CEP85L: variants seen among roughly 807,000 people sequenced by gnomAD.
CEP85L encodes the protein centrosomal protein 85L, also known as centrosomal protein of 85 kDa-like.
A neutral mutation model predicts 100.3 loss-of-function variants in CEP85L; 60 were observed. The observed-to-expected ratio is 0.60, with a 90% CI of 0.49 to 0.74. The LOEUF is 0.74. Among genes scored for constraint, CEP85L ranks in the 30% least tolerant of loss-of-function variants. The pLI, the probability that CEP85L is intolerant of heterozygous loss-of-function variation, is 0.00. For synonymous variants in CEP85L, 319 were observed against 322.7 expected, an observed-to-expected ratio of 0.99 and a Z score of 0.12; for missense variants, 973 against 936.2, an observed-to-expected ratio of 1.04 and a Z score of -0.51.
At chr6:118,682,467 T>C (rs1776696862) in intron 1 of CEP85L, among the ~76,000 whole-genome samples, 1 of 152,056 alleles carries the variant, frequency 6.6e-6, no homozygotes, top group Admixed American at 6.6e-5. Context: ...TTATACTAGA[T>C]GCTGCGATTC....
intron 12 of CEP85L, among the ~76,000 whole-genome samples, chr6:118,468,028 G>A (rs889858282): frequency 6.6e-6 from 1 of 152,146 alleles, no homozygotes; most frequent in African/African-American, 2.4e-5. Flanking sequence ...CTTAGTGTCT[G>A]GACCATAGAA....
chr6:118,612,756 C>A lies in CEP85L; in HGVS notation c.232+19697G>T, dbSNP rs548815345. On this transcript the variant is annotated intron_variant, in intron 2 of 12. Coordinates refer to ENST00000368491, the MANE Select transcript of CEP85L (RefSeq NM_001042475.3). Reference sequence around the variant, plus strand: ...TAGAAAAAAAGAAGAGTTCAACAGACCCAAAGCAGAAAAAAAGGAAGCAAC... The same window carrying A: ...TAGAAAAAAAGAAGAGTTCAACAGAACCAAAGCAGAAAAAAAGGAAGCAAC... 4.8e-5 allele frequency among the ~76,000 whole-genome samples: 7 copies of A among 147,034 alleles called. No homozygotes were observed. In the South Asian group the frequency reaches 1.3e-3, roughly 27 times the overall value.
chr6:118,618,491 A>T (rs1773221081), intron 2 of CEP85L, among the ~76,000 whole-genome samples: 1 of 152,204 alleles, frequency 6.6e-6, no homozygotes, highest in Non-Finnish European at 1.5e-5. Context: ...AGGCCCTAGG[A>T]CATTTTCTTC....
intron 2 of CEP85L, among the ~76,000 whole-genome samples, chr6:118,566,804 T>C (rs1209574207): frequency 6.6e-6 from 1 of 152,224 alleles, no homozygotes; most frequent in Non-Finnish European, 1.5e-5. Context: ...TAGTTTCAGA[T>C]TGGATTTTCT....
At chr6:118,492,007 G>A (rs1342858023) in intron 5 of CEP85L, 142 bp from the exon 6 acceptor site, 2 of 539,436 alleles carry the variant, frequency 3.7e-6, no homozygotes, top group Admixed American at 3.9e-5. Context: ...CAGCTATCTT[G>A]CTTCCTAGTT....
At chr6:118,578,765 G>A (rs1025596215) in intron 2 of CEP85L, among the ~76,000 whole-genome samples, 48 of 152,182 alleles carry the variant, frequency 3.2e-4, no homozygotes, top group Admixed American at 7.9e-4. Flanking sequence ...TCTTTTGTTC[G>A]GTGTGCTCTC....
In CEP85L at chr6:118,614,415, A is replaced by G. The variant is rs560044666; in HGVS notation, c.232+18038T>C. ...CAAGAGAAGAAAACAAAAGGCACAC[A>G]AATCAGAAAGAAAAAACTCCTTATT... On this transcript the variant is annotated intron_variant, in intron 2 of 12. Coordinates refer to ENST00000368491, the MANE Select transcript of CEP85L (RefSeq NM_001042475.3). Among the ~76,000 whole-genome samples, 7 of 152,380 alleles carry G rather than the reference A, an allele frequency of 4.6e-5. No individual in the cohort carries two copies. The South Asian group carries it at 1.4e-3, about 32-fold the overall frequency.
intron 1 of CEP85L, among the ~76,000 whole-genome samples, chr6:118,675,797 T>G (rs1218030696): frequency 6.6e-6 from 1 of 151,884 alleles, no homozygotes; most frequent in African/African-American, 2.4e-5. Context: ...AGAGCAAAAT[T>G]GGAAAGTGAC....
chr6:118,474,424 T>C (rs1260396264), intron 10 of CEP85L, among the ~76,000 whole-genome samples: 1 of 152,154 alleles, frequency 6.6e-6, no homozygotes, highest in Non-Finnish European at 1.5e-5. Flanking sequence ...GGCATCAACA[T>C]TTATCATCCT....
intron 5 of CEP85L, chr6:118,502,833 G>A: frequency 1.6e-6 from 1 of 625,018 alleles, no homozygotes; most frequent in Non-Finnish European, 3.0e-6. Flanking sequence ...AAAGCAATGG[G>A]GATTTCCATT....
At position 118,632,744 on chromosome 6, in the gene CEP85L, G is replaced by C. The variant is rs1440033987; in HGVS notation, c.74-133C>G. On this transcript the variant is annotated intron_variant, in intron 1 of 12. Transcript: ENST00000368491. ...TTTTCTGCCCAAAATAATTTAAAATGATCAACAAAATTAACCAAATAAATG... is the reference window on the plus strand; with the variant it reads ...TTTTCTGCCCAAAATAATTTAAAATCATCAACAAAATTAACCAAATAAATG... The C allele has an allele frequency of 8.5e-6, 5 of 588,598 alleles. No individual in the cohort carries two copies. The East Asian group carries it at 1.5e-4, about 18-fold the overall frequency. The allele number at this position is 588,598 out of a possible 1,614,324, so 36.5% of individuals were successfully genotyped here.
chr6:118,705,513 G>A (rs1777566892), intron 1 of CEP85L, among the ~76,000 whole-genome samples: 1 of 152,206 alleles, frequency 6.6e-6, no homozygotes, highest in South Asian at 2.1e-4. Context: ...CTAGTAAAAG[G>A]TTTCCATTAG....
intron 10 of CEP85L, among the ~76,000 whole-genome samples, chr6:118,476,983 T>C (rs1029347225): frequency 1.3e-5 from 2 of 152,038 alleles, no homozygotes; most frequent in Non-Finnish European, 2.9e-5. Flanking sequence ...TTTTGAGAAA[T>C]AAGAAGGAAA....
chr6:118,591,806 A>T (rs1029931966), intron 2 of CEP85L, among the ~76,000 whole-genome samples: 5 of 152,192 alleles, frequency 3.3e-5, no homozygotes, highest in Admixed American at 1.3e-4. Context: ...TGTTCAAAGC[A>T]CCAAGAACCT....
intron 4 of CEP85L, among the ~76,000 whole-genome samples, chr6:118,515,670 ATAAAC>A (rs1659819073): frequency 6.6e-6 from 1 of 152,228 alleles, no homozygotes; most frequent in South Asian, 2.1e-4. Context: ...AAATCAGAAG[ATAAAC>A]TAAGTATTTT....
intron 1 of CEP85L, among the ~76,000 whole-genome samples, chr6:118,688,066 C>T (rs1043215529): frequency 6.6e-6 from 1 of 152,154 alleles, no homozygotes; most frequent in African/African-American, 2.4e-5. Flanking sequence ...CAAGGCTTGC[C>T]ACCATCTTGG....
At chr6:118,555,217 G>A (rs192414354) in intron 3 of CEP85L, among the ~76,000 whole-genome samples, 3 of 152,196 alleles carry the variant, frequency 2.0e-5, no homozygotes, top group East Asian at 3.9e-4. Context: ...GGATCACGAG[G>A]TCGGGAGATC....
At chr6:118,688,215 G>C (rs553589893) in intron 1 of CEP85L, among the ~76,000 whole-genome samples, 1 of 152,254 alleles carries the variant, frequency 6.6e-6, no homozygotes, top group South Asian at 2.1e-4. Flanking sequence ...TGGCCAGGCT[G>C]GTCTTGAACT....
At chr6:118,708,959 T>A (rs1234287942) in intron 1 of CEP85L, among the ~76,000 whole-genome samples, 2 of 151,982 alleles carry the variant, frequency 1.3e-5, no homozygotes, top group Admixed American at 6.6e-5. Context: ...AAAATATGAG[T>A]GTTATATAGA....
Sources: gnomAD v4.1 joint callset for allele counts (sites outside exome capture counted in the v4.1 genomes callset) on GRCh38, gnomAD v4.1.1 for gene constraint, MANE v1.5 for transcripts, NCBI Gene and HGNC (gene_info 2026-07-23, HGNC 2026-07-21) for gene names.